THRB: variants seen among roughly 807,000 people sequenced by gnomAD.
THRB encodes nuclear receptor subfamily 1 group A member 2.
A neutral mutation model predicts 47.8 loss-of-function variants in THRB; 12 were observed. The ratio of observed to expected loss-of-function variants is 0.25; its 90% CI spans 0.16 to 0.41. The LOEUF (loss-of-function observed/expected upper bound fraction) is 0.41. Ranked by LOEUF, THRB falls within the 10% of genes least tolerant of loss-of-function variation. The pLI is 1.00. For synonymous variants in THRB, 218 were observed against 212.2 expected, an observed-to-expected ratio of 1.03 and a Z score of -0.24; for missense variants, 348 against 589.2, an observed-to-expected ratio of 0.59 and a Z score of 4.24.
chr3:24,345,399 T>A (rs2062948885), intron 1 of THRB, among the ~76,000 whole-genome samples: 1 of 152,128 alleles, frequency 6.6e-6, no homozygotes, highest in South Asian at 2.1e-4. Flanking sequence ...TCAGTCAAGG[T>A]TATATACAAG....
chr3:24,280,278 T>C (rs2054417473), intron 3 of THRB, among the ~76,000 whole-genome samples: 1 of 152,024 alleles, frequency 6.6e-6, no homozygotes, highest in Non-Finnish European at 1.5e-5. Context: ...GGTCCCTGAC[T>C]CCTGACCCCC....
At chr3:24,437,980 A>G (rs2071139912) in intron 1 of THRB, among the ~76,000 whole-genome samples, 1 of 151,646 alleles carries the variant, frequency 6.6e-6, no homozygotes, top group Non-Finnish European at 1.5e-5. Context: ...ATCTTAGCTG[A>G]GTAATCTCTC....
chr3:24,471,269 G>A (rs1034996611), intron 1 of THRB, among the ~76,000 whole-genome samples: 1 of 152,194 alleles, frequency 6.6e-6, no homozygotes. Context: ...TAGACTGACT[G>A]AATCAGAAAC....
intron 5 of THRB, among the ~76,000 whole-genome samples, chr3:24,159,410 GA>G (rs1267568490): frequency 6.6e-6 from 1 of 152,178 alleles, no homozygotes; most frequent in Non-Finnish European, 1.5e-5. Context: ...CAAACATGAT[GA>G]GGGGAACCCA....
chr3:24,364,874 T>C (rs986069428), intron 1 of THRB, among the ~76,000 whole-genome samples: 2 of 152,168 alleles, frequency 1.3e-5, no homozygotes, highest in African/African-American at 4.8e-5. Context: ...TTTAGAGAAA[T>C]ACCAAAAATC....
intron 1 of THRB, among the ~76,000 whole-genome samples, chr3:24,487,152 TTG>T (rs57780481): frequency 0.11 from 16,481 of 150,930 alleles, 1,610 homozygotes; most frequent in African/African-American, 0.26. Flanking sequence ...TGCTAGGGGT[TTG>T]TGTGTGTGTG....
chr3:24,176,103 T>C (rs1200918009), intron 5 of THRB, among the ~76,000 whole-genome samples: 2 of 152,112 alleles, frequency 1.3e-5, no homozygotes, highest in Admixed American at 6.5e-5. Flanking sequence ...TAATGTCACA[T>C]TGTATATTTA....
At chr3:24,405,431 T>C (rs1439416393) in intron 1 of THRB, among the ~76,000 whole-genome samples, 4 of 152,002 alleles carry the variant, frequency 2.6e-5, no homozygotes, top group Non-Finnish European at 4.4e-5. Flanking sequence ...ATCAAAAGTA[T>C]TAACTATTTG....
chr3:24,400,239 T>C (rs1186230648), intron 1 of THRB, among the ~76,000 whole-genome samples: 1 of 152,102 alleles, frequency 6.6e-6, no homozygotes, highest in Admixed American at 6.6e-5. Flanking sequence ...CCAAACACAT[T>C]TGTAATCTGA....
intron 1 of THRB, among the ~76,000 whole-genome samples, chr3:24,489,612 C>T (rs1697834481): frequency 6.6e-6 from 1 of 152,178 alleles, no homozygotes; most frequent in Non-Finnish European, 1.5e-5. Flanking sequence ...TCCTGAAGTT[C>T]ACAGCAGAAC....
At chr3:24,283,768 C>G (rs1225293741) in intron 3 of THRB, among the ~76,000 whole-genome samples, 1 of 152,000 alleles carries the variant, frequency 6.6e-6, no homozygotes, top group African/African-American at 2.4e-5. Flanking sequence ...ACAAAAATCA[C>G]AAGCATTCTT....
At chr3:24,321,395 AT>A (rs1175585017) in intron 2 of THRB, among the ~76,000 whole-genome samples, 3 of 151,864 alleles carry the variant, frequency 2.0e-5, no homozygotes, top group Admixed American at 6.6e-5. Flanking sequence ...AATAGTACTA[AT>A]TTTTTTTACA....
chr3:24,135,846 T>A lies in THRB; in HGVS notation c.739-2384A>T, dbSNP rs866013039. Among the ~76,000 whole-genome samples the A allele has an allele frequency of 5.8e-4, 70 of 121,144 alleles. 2 individuals are homozygous for A. Among genetic ancestry groups the A allele is most frequent in the South Asian group, 2.2e-3 (8 of 3,690 alleles). 79.5% of individuals were successfully genotyped at this position (121,144 alleles called of 152,430 possible). ...ATATATATATATATATATATATATATAATACATAAATATATATTAATTACA... is the reference window on the plus strand; with the variant it reads ...ATATATATATATATATATATATATAAAATACATAAATATATATTAATTACA... On this transcript the variant is annotated intron_variant, in intron 8 of 10. Transcript: ENST00000646209.
intron 3 of THRB, among the ~76,000 whole-genome samples, chr3:24,282,907 G>C (rs1351925525): frequency 2.6e-5 from 4 of 151,078 alleles, no homozygotes; most frequent in African/African-American, 7.3e-5. Flanking sequence ...TCTCTGAATA[G>C]ACCAATAACA....
chr3:24,234,703 C>A (rs2048689182), intron 3 of THRB, among the ~76,000 whole-genome samples: 1 of 152,148 alleles, frequency 6.6e-6, no homozygotes, highest in Non-Finnish European at 1.5e-5. Context: ...TTTGAAGGCA[C>A]TGAAGAGACT....
intron 1 of THRB, among the ~76,000 whole-genome samples, chr3:24,407,857 T>C (rs1434386986): frequency 6.6e-6 from 1 of 151,850 alleles, no homozygotes; most frequent in Non-Finnish European, 1.5e-5. Flanking sequence ...TCATCTTTGG[T>C]GAAATTTGCT....
intron 4 of THRB, among the ~76,000 whole-genome samples, chr3:24,216,445 A>C (rs1288315149): frequency 6.6e-6 from 1 of 152,056 alleles, no homozygotes; most frequent in Non-Finnish European, 1.5e-5. Flanking sequence ...CTCTACTCAA[A>C]AAAATACAAA....
chr3:24,145,293 G>A (rs1333533385), intron 7 of THRB, among the ~76,000 whole-genome samples: 3 of 151,978 alleles, frequency 2.0e-5, no homozygotes, highest in African/African-American at 7.3e-5. Context: ...ACAGATCTGG[G>A]ACTCGAACAG....
chr3:24,412,408 A>G (rs1190636288), intron 1 of THRB, among the ~76,000 whole-genome samples: 10 of 151,854 alleles, frequency 6.6e-5, no homozygotes, highest in Non-Finnish European at 5.9e-5. Flanking sequence ...ACAAATCAAC[A>G]GTAAAGAGAT....
Sources: allele counts gnomAD v4.1 joint callset (sites outside exome capture counted in the v4.1 genomes callset), GRCh38; gene constraint gnomAD v4.1.1; transcripts MANE v1.5; gene names NCBI Gene and HGNC (gene_info 2026-07-23, HGNC 2026-07-21).